The following LTBP1 variants were observed in gnomAD, a reference collection of about 807,000 sequenced individuals.
LTBP1 encodes the protein latent-transforming growth factor beta-binding protein 1.
LTBP1 carries 129 observed loss-of-function variants against 207.6 expected under a neutral mutation model. That is an observed-to-expected ratio of 0.62 (90% CI 0.54 to 0.72). The LOEUF is 0.72. Among genes scored for constraint, LTBP1 ranks in the 30% least tolerant of loss-of-function variants. LTBP1 has a pLI of 0.00. For missense variants in LTBP1, 2,281 were observed against 2,217.2 expected (o/e 1.03, Z -0.58); for synonymous variants, 963 against 833.7 (o/e 1.16, Z -2.67).
intron 9 of LTBP1, among the ~76,000 whole-genome samples, chr2:33,224,275 G>A (rs998136423): frequency 3.3e-5 from 5 of 152,194 alleles, no homozygotes; most frequent in African/African-American, 9.6e-5. Flanking sequence ...TAGTTGTTCC[G>A]TTAAACTAGA....
chr2:32,977,655 C>T (rs578035957), intron 2 of LTBP1, among the ~76,000 whole-genome samples: 3 of 152,294 alleles, frequency 2.0e-5, no homozygotes, highest in Middle Eastern at 3.4e-3. Context: ...AAGGATTCTC[C>T]CATTCCCAGT....
chr2:33,382,074 C>CTT (rs70938398), intron 31 of LTBP1, among the ~76,000 whole-genome samples: 504 of 46,780 alleles, frequency 0.011, 203 homozygotes, highest in Non-Finnish European at 0.016. Flanking sequence ...CCTACTGCTT[C>CTT]TTTTTTTTTT....
Position 33,360,604 on chromosome 2 carries a change from T to G in LTBP1, c.4008T>G (p.Asp1336Glu), listed in dbSNP as rs1424372636. Residue 1336 changes from aspartate (D) to glutamate (E), a missense_variant, in exon 27 of 34, where the codon GAT (aspartate) becomes GAG (glutamate). Physicochemically the swap from Asp to Glu is conservative, Grantham distance 45. Coordinates refer to ENST00000404816, the MANE Select transcript of LTBP1 (RefSeq NM_206943.4). ...TTTCTCTACTCCATTTAGATTTAGA[T>G]GTAGATGTAGATCAACCCAAAGAAG... ...QCRSRTSTDLDVDVDQPKEEK... is the reference protein window; with the variant it reads ...QCRSRTSTDLEVDVDQPKEEK... 1.9e-6 allele frequency: 3 copies of G among 1,609,768 alleles called. No individual in the cohort carries two copies. Among genetic ancestry groups the G allele is most frequent in the Non-Finnish European group, 2.6e-6 (3 of 1,176,182 alleles).
intron 26 of LTBP1, among the ~76,000 whole-genome samples, chr2:33,356,129 C>T (rs1335125856): frequency 6.6e-6 from 1 of 151,640 alleles, no homozygotes; most frequent in Non-Finnish European, 1.5e-5. Context: ...GAGATGGTAG[C>T]TCAGTCTCAG....
intron 3 of LTBP1, among the ~76,000 whole-genome samples, chr2:33,058,839 A>G (rs573018048): frequency 4.6e-5 from 7 of 152,312 alleles, no homozygotes; most frequent in Admixed American, 3.3e-4. Context: ...GCAGGAGAAA[A>G]AACATTGCCA....
chr2:33,123,928 T>C (rs1226432523), intron 4 of LTBP1, among the ~76,000 whole-genome samples: 2 of 152,204 alleles, frequency 1.3e-5, no homozygotes, highest in Non-Finnish European at 2.9e-5. Flanking sequence ...ATCTTATTCA[T>C]TGAAAAAAAG....
At chr2:32,969,472 T>A (rs1680534167) in intron 2 of LTBP1, among the ~76,000 whole-genome samples, 1 of 151,954 alleles carries the variant, frequency 6.6e-6, no homozygotes, top group East Asian at 1.9e-4. Context: ...CTCTTCTTTA[T>A]GTCCATGTGT....
chr2:33,249,923 C>T (rs1053821707), intron 10 of LTBP1, among the ~76,000 whole-genome samples: 8 of 152,148 alleles, frequency 5.3e-5, no homozygotes, highest in Non-Finnish European at 1.2e-4. Context: ...TTCTTTAGTA[C>T]AGCATAAAAC....
At chr2:33,184,844 A>G (rs562318514) in intron 5 of LTBP1, among the ~76,000 whole-genome samples, 5 of 151,718 alleles carry the variant, frequency 3.3e-5, no homozygotes, top group East Asian at 3.9e-4. Flanking sequence ...GTAAAACATA[A>G]CAAGGTAACT....
At chr2:33,073,546 C>T (rs935400508) in intron 3 of LTBP1, among the ~76,000 whole-genome samples, 4 of 152,004 alleles carry the variant, frequency 2.6e-5, no homozygotes, top group Non-Finnish European at 2.9e-5. Context: ...TTTCTTCTTC[C>T]CTTTTTAACT....
At chr2:32,988,934 C>CT (rs11316220) in intron 2 of LTBP1, among the ~76,000 whole-genome samples, 21 of 151,812 alleles carry the variant, frequency 1.4e-4, no homozygotes, top group African/African-American at 3.4e-4. Flanking sequence ...GCTTAGACCT[C>CT]TTTTTTTTTC....
chr2:33,145,209 C>T (rs1400055644), intron 5 of LTBP1, among the ~76,000 whole-genome samples: 1 of 151,968 alleles, frequency 6.6e-6, no homozygotes, highest in Non-Finnish European at 1.5e-5. Context: ...TCATGCAATA[C>T]TTACTGAAAG....
At chr2:33,077,035 C>G (rs1391495279) in intron 3 of LTBP1, among the ~76,000 whole-genome samples, 2 of 152,242 alleles carry the variant, frequency 1.3e-5, no homozygotes, top group East Asian at 3.9e-4. Flanking sequence ...ACTTCTAGGG[C>G]TAGAGAGGTG....
intron 24 of LTBP1, 61 bp from the exon 25 acceptor site, chr2:33,342,777 A>C: frequency 6.3e-7 from 1 of 1,579,664 alleles, no homozygotes; most frequent in Non-Finnish European, 8.6e-7. Flanking sequence ...TTATCCATTA[A>C]TATCTGGTGT....
At chr2:33,313,455 G>C (rs2094215847) in intron 23 of LTBP1, among the ~76,000 whole-genome samples, 1 of 152,124 alleles carries the variant, frequency 6.6e-6, no homozygotes, top group Non-Finnish European at 1.5e-5. Context: ...AGGACCACTG[G>C]GTCAGTGGCT....
rs1464788639 is a variant in LTBP1 at position 33,182,695 on chromosome 2, T to C, written c.1202-4161T>C. 5.7e-4 allele frequency among the ~76,000 whole-genome samples: 48 copies of C among 84,620 alleles called. 10 individuals are homozygous for C. Among genetic ancestry groups the C allele is most frequent in the South Asian group, 1.3e-3 (4 of 2,978 alleles). 55.5% of individuals were successfully genotyped at this position (84,620 alleles called of 152,430 possible). On this transcript the variant is annotated intron_variant, in intron 5 of 33. Coordinates refer to ENST00000404816, the MANE Select transcript of LTBP1 (RefSeq NM_206943.4). ...AAAGAAGAAAAGATGGTGATATATA[T>C]ATATACACACACACACACACACACA...
intron 3 of LTBP1, among the ~76,000 whole-genome samples, chr2:33,085,577 C>T (rs1052555278): frequency 6.6e-6 from 1 of 152,190 alleles, no homozygotes; most frequent in Admixed American, 6.5e-5. Flanking sequence ...GTGTGTCAAG[C>T]ATTGTACCTA....
chr2:33,041,798 G>A (rs1397692528), intron 3 of LTBP1, among the ~76,000 whole-genome samples: 1 of 151,966 alleles, frequency 6.6e-6, no homozygotes, highest in East Asian at 1.9e-4. Context: ...TCTCTCTCTT[G>A]CTCACACACA....
At chr2:32,990,800 TC>T (rs1684291668) in intron 2 of LTBP1, among the ~76,000 whole-genome samples, 1 of 152,200 alleles carries the variant, frequency 6.6e-6, no homozygotes, top group African/African-American at 2.4e-5. Context: ...CACAGCATTT[TC>T]ATCTTGGTGG....
Sources: allele counts gnomAD v4.1 joint callset (sites outside exome capture counted in the v4.1 genomes callset), GRCh38; gene constraint gnomAD v4.1.1; transcripts MANE v1.5; gene names NCBI Gene and HGNC (gene_info 2026-07-23, HGNC 2026-07-21).